Variants in TRANK1 observed in about 807,000 individuals in gnomAD.
TRANK1 encodes TPR and ankyrin repeat-containing protein 1.
TRANK1 carries 198 observed loss-of-function variants against 266.0 expected under a neutral mutation model. The observed-to-expected ratio is 0.74, with a 90% CI of 0.66 to 0.84. TRANK1 has a LOEUF of 0.84. Ranked by LOEUF, TRANK1 falls within the 40% of genes least tolerant of loss-of-function variation. TRANK1 has a pLI of 0.00. For synonymous variants in TRANK1, 1,396 were observed against 1,384.1 expected (o/e 1.01, Z -0.19); for missense variants, 3,326 against 3,634.6 (o/e 0.92, Z 2.18).
chr3:36,914,212 C>A (rs1213238724), intron 1 of TRANK1, among the ~76,000 whole-genome samples: 1 of 151,838 alleles, frequency 6.6e-6, no homozygotes, highest in Non-Finnish European at 1.5e-5. Context: ...TGGCTCACTG[C>A]AAACTCCATC....
chr3:36,905,696 G>C (rs2079956511), intron 2 of TRANK1, among the ~76,000 whole-genome samples: 1 of 152,168 alleles, frequency 6.6e-6, no homozygotes, highest in South Asian at 2.1e-4. Flanking sequence ...GAATCAAAAG[G>C]TTAACCTCCT....
At position 36,851,803 on chromosome 3, in the gene TRANK1, C is replaced by T; in HGVS notation, c.4803G>A (p.Gly1601=). ...TAKEKIPEEL[G]LALVLTIYEA... ...CATAAATTGTTAGCACAAGTGCTAA[C>T]CCCAGCTCTTCTGGAATTTTCTCCT... is the stretch of plus-strand genomic sequence containing the variant. Residue 1601 remains glycine, a synonymous_variant, in exon 15 of 24, where the codon GGG becomes GGA. Transcript: ENST00000645898. The T allele has an allele frequency of 6.2e-7, 1 of 1,610,678 alleles. No individual in the cohort carries two copies. The highest frequency in any genetic ancestry group is 8.5e-7 in the Non-Finnish European group (1 of 1,178,350).
chr3:36,859,391 G>T (rs1217409309), intron 11 of TRANK1, among the ~76,000 whole-genome samples: 1 of 151,664 alleles, frequency 6.6e-6, no homozygotes, highest in East Asian at 1.9e-4. Flanking sequence ...CCTACATTAG[G>T]TATTTCTCCT....
Position 36,857,357 on chromosome 3 carries a change from CTT to C in TRANK1, c.2363_2364del (p.Glu788GlyfsTer15), listed in dbSNP as rs1221580972. On this transcript the variant is annotated frameshift_variant, in exon 13 of 24. Transcript: ENST00000645898. LOFTEE classifies it high-confidence loss of function. This position sits in a 1 kb window ranked among gnomAD's most constrained non-coding sequence, Gnocchi z 4.3. Reference protein sequence around the residue: ...AGAPDCSEVGEGHAQVGLGAL... With the variant: ...AGAPDCSEVGXGHAQVGLGAL... ...GCCCCAAGGCCCACCTGAGCATGTC[CTT>C]CCCCCACCTCACTACAGTCAGGGGC... 5.6e-6 allele frequency: 9 copies of C among 1,606,534 alleles called. No individual in the cohort carries two copies. Among genetic ancestry groups the C allele is most frequent in the Non-Finnish European group, 6.8e-6 (8 of 1,176,548 alleles).
intron 15 of TRANK1, chr3:36,851,467 G>C: frequency 3.3e-6 from 4 of 1,226,850 alleles, no homozygotes; most frequent in Non-Finnish European, 4.1e-6. Flanking sequence ...ACTGGCACTT[G>C]GGTACTAGAG....
intron 8 of TRANK1, among the ~76,000 whole-genome samples, chr3:36,887,337 A>G (rs2079621978): frequency 6.6e-6 from 1 of 152,220 alleles, no homozygotes; most frequent in South Asian, 2.1e-4. Flanking sequence ...AAAAAATTAT[A>G]TGACAAACAA....
intron 9 of TRANK1, among the ~76,000 whole-genome samples, chr3:36,865,024 G>GTTTTTT (rs34540496): frequency 3.3e-5 from 4 of 119,798 alleles, no homozygotes; most frequent in Admixed American, 8.8e-5. Flanking sequence ...TGTTTTTTTG[G>GTTTTTT]TTTTTTTTTT....
In TRANK1 at chr3:36,830,882, A is replaced by T; in HGVS notation, c.8701T>A (p.Trp2901Arg). The change falls in exon 22 of 24, where the codon TGG becomes AGG. Residue 2901 changes from tryptophan to arginine, a missense_variant. Trp to Arg is a moderately radical substitution (Grantham distance 101, BLOSUM62 -3). Coordinates refer to ENST00000645898, the MANE Select transcript of TRANK1 (RefSeq NM_001329998.2). ...CTCTGCAGACCCTTACCGCCAGCCC[A>T]GGCCTTCCGCCTGTAGAGGTCCTCC... ...MVEDLYRRKA[W>R]AGAEEAMTRL... 1 of 1,603,530 alleles carries T rather than the reference A, an allele frequency of 6.2e-7. No homozygotes were observed.
Position 36,857,098 on chromosome 3 carries a change from A to G in TRANK1, c.2624T>C (p.Leu875Pro). ...TTTCAGGTGCTTCAGTCGCTTCTGC[A>G]GGCCCTGGGTCCACTCGCCATTTCC... ...QLGNGEWTQGLQKRLKHLKGS... is the reference protein window; with the variant it reads ...QLGNGEWTQGPQKRLKHLKGS... The change falls in exon 13 of 24, where the codon CTG becomes CCG. Residue 875 changes from leucine (L) to proline (P), a missense_variant. Physicochemically the swap from Leu to Pro is moderately conservative, Grantham distance 98 (BLOSUM62 -3). Coordinates refer to ENST00000645898, the MANE Select transcript of TRANK1 (RefSeq NM_001329998.2). This position sits in a 1 kb window ranked among gnomAD's most constrained non-coding sequence, Gnocchi z 4.3. 2 of 1,614,026 alleles carry G rather than the reference A, an allele frequency of 1.2e-6. No homozygotes were observed.
At position 36,856,979 on chromosome 3, in the gene TRANK1, G is replaced by T. The variant is rs190591871; in HGVS notation, c.2743C>A (p.Pro915Thr). ...TGCTCCGTGGCAATGATCTTCTCAG[G>T]GTTCTCACTGCATCGAGGGGAGAAG... Reference protein sequence around the residue: ...IDFSPRCSENPEKIIATEQNT... With the variant: ...IDFSPRCSENTEKIIATEQNT... The change falls in exon 13 of 24, where the codon CCT becomes ACT. Residue 915 changes from proline (P) to threonine (T), a missense_variant. Physicochemically the swap from Pro to Thr is conservative, Grantham distance 38 (BLOSUM62 -1). Coordinates refer to ENST00000645898, the MANE Select transcript of TRANK1 (RefSeq NM_001329998.2). The T allele has an allele frequency of 1.2e-6, 2 of 1,613,808 alleles. No individual in the cohort carries two copies. The highest frequency in any genetic ancestry group is 1.7e-6 in the Non-Finnish European group (2 of 1,179,850).
At chr3:36,886,286 C>A (rs188992684) in intron 8 of TRANK1, among the ~76,000 whole-genome samples, 5 of 151,454 alleles carry the variant, frequency 3.3e-5, no homozygotes, top group Admixed American at 3.3e-4. Context: ...AGGTGCCCAC[C>A]ACCACTCCCA....
intron 4 of TRANK1, among the ~76,000 whole-genome samples, chr3:36,896,519 C>CA (rs2079792511): frequency 6.6e-6 from 1 of 152,126 alleles, no homozygotes; most frequent in Non-Finnish European, 1.5e-5. Flanking sequence ...CTTTACCTTC[C>CA]AAAAAGGAGT....
chr3:36,911,290 A>G (rs982633077), intron 1 of TRANK1, among the ~76,000 whole-genome samples: 5 of 152,200 alleles, frequency 3.3e-5, no homozygotes, highest in Admixed American at 2.0e-4. Context: ...AAATGTTAAA[A>G]GCCACGCCTT....
At chr3:36,847,423 A>T in intron 15 of TRANK1, 77 bp from the exon 16 acceptor site, 1 of 1,529,792 alleles carries the variant, frequency 6.5e-7, no homozygotes, top group Non-Finnish European at 8.9e-7. Flanking sequence ...AGCTTCATGG[A>T]AAACTAAGCC....
chr3:36,892,871 A>ATATATAGATATATATATC, intron 6 of TRANK1, 30 bp downstream of exon 6: 2 of 658,880 alleles, frequency 3.0e-6, no homozygotes, highest in Non-Finnish European at 4.1e-6. Flanking sequence ...ATATATATAT[A>ATATATAGATATATATATC]GATATATATA....
chr3:36,934,588 G>A (rs1039698385), intron 1 of TRANK1, among the ~76,000 whole-genome samples: 2 of 152,060 alleles, frequency 1.3e-5, no homozygotes, highest in Non-Finnish European at 2.9e-5. Flanking sequence ...CCCGCCCTGG[G>A]TATCTCTGGT....
chr3:36,944,751 C>G (rs2080548713), intron 1 of TRANK1, 36 bp downstream of exon 1: 1 of 1,502,312 alleles, frequency 6.7e-7, no homozygotes, highest in Non-Finnish European at 8.8e-7. Context: ...CCCGGAAGGC[C>G]AGAGATGCCC....
intron 17 of TRANK1, among the ~76,000 whole-genome samples, chr3:36,842,911 G>A (rs1055452374): frequency 2.0e-5 from 3 of 152,166 alleles, no homozygotes; most frequent in Admixed American, 2.0e-4. Context: ...AGGCCATTAG[G>A]ATGGCCCCTC....
At position 36,855,224 on chromosome 3, in the gene TRANK1, G is replaced by A. The variant is rs559712651; in HGVS notation, c.4498C>T (p.Arg1500Trp). 8.3e-5 allele frequency: 134 copies of A among 1,613,946 alleles called. No individual in the cohort carries two copies. The highest frequency in any genetic ancestry group is 3.3e-4 in the Middle Eastern group (2 of 6,062). ...RNTIDKQCAV[R>W]KPKKIHQLYQ... ...AGCTGGTGGATCTTCTTGGGCTTCCGGACAGCACACTGCTTGTCTATGGTG... is the reference window on the plus strand; with the variant it reads ...AGCTGGTGGATCTTCTTGGGCTTCCAGACAGCACACTGCTTGTCTATGGTG... Residue 1500 changes from arginine to tryptophan, a missense_variant, in exon 13 of 24, where the codon CGG (arginine) becomes TGG (tryptophan). Transcript: ENST00000645898.
Sources: gnomAD v4.1 joint callset for allele counts (sites outside exome capture counted in the v4.1 genomes callset) on GRCh38, gnomAD v4.1.1 for gene constraint, Gnocchi (gnomAD v3.1) non-coding constraint, MANE v1.5 for transcripts, NCBI Gene and HGNC (gene_info 2026-07-23, HGNC 2026-07-21) for gene names.